Variants in MAF observed in about 807,000 individuals in gnomAD.
MAF encodes the protein transcription factor Maf.
Under a neutral mutation model 22.0 loss-of-function variants are expected in MAF, and 10 were observed. The observed-to-expected ratio is 0.45, with a 90% CI of 0.28 to 0.77. The LOEUF (loss-of-function observed/expected upper bound fraction) is 0.77. Ranked by LOEUF, MAF falls within the 30% of genes least tolerant of loss-of-function variation. The probability of loss-of-function intolerance (pLI) is 0.12; values close to 1 mark genes in which losing one functional copy is unlikely to be tolerated. For synonymous variants in MAF, 337 were observed against 255.8 expected (o/e 1.32, Z -3.03); for missense variants, 544 against 548.4 (o/e 0.99, Z 0.08).
At chr16:79,355,582 T>C in the MAF span, among the ~76,000 whole-genome samples, 109 of 152,270 alleles carry the variant, frequency 7.2e-4, no homozygotes, top group Non-Finnish European at 1.2e-3. Context: ...ATGGAGAACG[T>C]CCTATCTCCC....
At chr16:79,501,237 G>A in the MAF span, among the ~76,000 whole-genome samples, 1 of 152,194 alleles carries the variant, frequency 6.6e-6, no homozygotes. Context: ...CTGCCTCCTT[G>A]AAGGGTTGTC....
At chr16:79,468,953 G>A in the MAF span, among the ~76,000 whole-genome samples, 1 of 151,974 alleles carries the variant, frequency 6.6e-6, no homozygotes, top group Non-Finnish European at 1.5e-5. Flanking sequence ...CTTTTTAATA[G>A]CCATCTTCCA....
At chr16:79,485,949 A>C in the MAF span, among the ~76,000 whole-genome samples, 9 of 152,176 alleles carry the variant, frequency 5.9e-5, no homozygotes, top group African/African-American at 2.2e-4. Context: ...AACTGATGGA[A>C]CTCTATAAGG....
chr16:79,363,902 G>T, the MAF span, among the ~76,000 whole-genome samples: 1 of 152,190 alleles, frequency 6.6e-6, no homozygotes, highest in Non-Finnish European at 1.5e-5. Context: ...ATAGTTCAGT[G>T]TAAGGGTAGT....
chr16:79,487,949 C>T, the MAF span, among the ~76,000 whole-genome samples: 1 of 152,206 alleles, frequency 6.6e-6, no homozygotes, highest in East Asian at 1.9e-4. Context: ...TCACAATGCT[C>T]AGGTTAAGAA....
At chr16:79,537,944 C>T in the MAF span, among the ~76,000 whole-genome samples, 273 of 152,164 alleles carry the variant, frequency 1.8e-3, 3 homozygotes, top group African/African-American at 6.2e-3. Flanking sequence ...TTCACAGACG[C>T]GTAAACTGAA....
the MAF span, among the ~76,000 whole-genome samples, chr16:79,259,814 C>G: frequency 6.6e-6 from 1 of 152,080 alleles, no homozygotes; most frequent in Non-Finnish European, 1.5e-5. Context: ...AGGAATGGCC[C>G]AATGTACCCA....
At chr16:79,499,474 C>T in the MAF span, among the ~76,000 whole-genome samples, 1 of 152,126 alleles carries the variant, frequency 6.6e-6, no homozygotes, top group Non-Finnish European at 1.5e-5. Context: ...TCTGAATGTT[C>T]ATGTTTCCCT....
the MAF span, among the ~76,000 whole-genome samples, chr16:79,424,340 C>G: frequency 2.0e-5 from 3 of 152,098 alleles, no homozygotes; most frequent in Non-Finnish European, 4.4e-5. Flanking sequence ...AATTCAATAC[C>G]ACCGGCCAGC....
the MAF span, among the ~76,000 whole-genome samples, chr16:79,320,740 A>C: frequency 6.6e-6 from 1 of 152,136 alleles, no homozygotes; most frequent in Non-Finnish European, 1.5e-5. Context: ...ATGATATAAA[A>C]CTATAGTAGT....
chr16:79,267,478 C>CCCCTTTG, the MAF span, among the ~76,000 whole-genome samples: 4 of 152,146 alleles, frequency 2.6e-5, no homozygotes, highest in Admixed American at 6.5e-5. Context: ...TGGGAGGAAT[C>CCCCTTTG]CCCTTTGCCC....
the MAF span, among the ~76,000 whole-genome samples, chr16:79,566,458 T>C: frequency 6.6e-6 from 1 of 152,184 alleles, no homozygotes; most frequent in African/African-American, 2.4e-5. Flanking sequence ...GACGGAGTGA[T>C]GGTGCTTCTG....
the MAF span, among the ~76,000 whole-genome samples, chr16:79,476,822 T>C: frequency 1.3e-3 from 191 of 152,322 alleles, 6 homozygotes; most frequent in South Asian, 0.038. Context: ...ATGAAGCCTG[T>C]CATCTCTGTG....
chr16:79,320,459 G>C, the MAF span, among the ~76,000 whole-genome samples: 5 of 152,188 alleles, frequency 3.3e-5, no homozygotes, highest in African/African-American at 7.2e-5. Context: ...CATGAGTTCA[G>C]TGGAAATGTA....
chr16:79,594,418 A>G lies in MAF; in HGVS notation c.*42T>C. ...GTTCTCCATGACTGCAAATAATAAT[A>G]ATAATGATGATTTTTTTTAATGTAC... On this transcript the variant is annotated 3_prime_UTR_variant, in exon 2 of 2. Coordinates refer to ENST00000326043, the MANE Select transcript of MAF (RefSeq NM_005360.5). 6.6e-7 allele frequency: 1 copy of G among 1,511,368 alleles called. No individual in the cohort carries two copies. The highest frequency in any genetic ancestry group is 9.0e-7 in the Non-Finnish European group (1 of 1,110,836). The allele number at this position is 1,511,368 out of a possible 1,614,324, so 93.6% of individuals were successfully genotyped here. A position where few individuals can be genotyped will look rare whatever the true frequency, so the allele number is the denominator to read the frequency against.
chr16:79,209,327 G>T, the MAF span, among the ~76,000 whole-genome samples: 1 of 152,194 alleles, frequency 6.6e-6, no homozygotes, highest in African/African-American at 2.4e-5. Context: ...TTCCAGTAAT[G>T]CAAGAGTGCA....
chr16:79,290,628 G>A, the MAF span, among the ~76,000 whole-genome samples: 3 of 152,106 alleles, frequency 2.0e-5, no homozygotes, highest in Non-Finnish European at 2.9e-5. Flanking sequence ...TGGGGGGTTG[G>A]CTACATGGAG....
the MAF span, among the ~76,000 whole-genome samples, chr16:79,557,437 T>TCC: frequency 1.3e-5 from 2 of 151,780 alleles, no homozygotes; most frequent in Admixed American, 1.3e-4. Context: ...AAGAAATAGA[T>TCC]CCCCCAATAG....
At chr16:79,214,000 T>TG in the MAF span, among the ~76,000 whole-genome samples, 2 of 152,210 alleles carry the variant, frequency 1.3e-5, no homozygotes, top group African/African-American at 4.8e-5. Flanking sequence ...TCCTCGAACA[T>TG]GCCAAGCACA....
Sources: gnomAD v4.1 joint callset for allele counts (sites outside exome capture counted in the v4.1 genomes callset) on GRCh38, gnomAD v4.1.1 for gene constraint, MANE v1.5 for transcripts, NCBI Gene and HGNC (gene_info 2026-07-23, HGNC 2026-07-21) for gene names.